Variants in KDM4C observed in about 807,000 individuals in gnomAD.
KDM4C encodes lysine demethylase 4C, also known as lysine-specific demethylase 4C.
KDM4C carries 81 observed loss-of-function variants against 129.3 expected under a neutral mutation model. The ratio of observed to expected loss-of-function variants is 0.63; its 90% CI spans 0.52 to 0.75. The LOEUF (loss-of-function observed/expected upper bound fraction) is 0.75. KDM4C is among the 30% of genes least tolerant of loss of function. The pLI, the probability that KDM4C is intolerant of heterozygous loss-of-function variation, is 0.00. For synonymous variants in KDM4C, 573 were observed against 456.1 expected (o/e 1.26, Z -3.26); for missense variants, 1,457 against 1,304.0 (o/e 1.12, Z -1.81).
At chr9:7,043,800 GTA>G (rs1828973254) in intron 15 of KDM4C, among the ~76,000 whole-genome samples, 1 of 151,808 alleles carries the variant, frequency 6.6e-6, no homozygotes, top group Non-Finnish European at 1.5e-5. Flanking sequence ...GATTTCTTAA[GTA>G]AATCATGGCA....
intron 18 of KDM4C, among the ~76,000 whole-genome samples, chr9:7,117,626 T>TACACAA (rs1311725477): frequency 6.8e-6 from 1 of 146,916 alleles, no homozygotes; most frequent in Non-Finnish European, 1.5e-5. Context: ...TGTTAATTTC[T>TACACAA]ACACACACAC....
At chr9:6,883,891 G>T (rs868465174) in intron 6 of KDM4C, among the ~76,000 whole-genome samples, 1 of 152,010 alleles carries the variant, frequency 6.6e-6, no homozygotes, top group Non-Finnish European at 1.5e-5. Flanking sequence ...GGAAGTGAGA[G>T]CTGAAATTAA....
rs1429657362 is a variant in KDM4C at position 6,925,202 on chromosome 9, C to T, written c.921+31970C>T. ...AAACATCCAGGGCTGTCACTGTTGG[C>T]GATACAGCTCATGTGAGAGCTGTGG... On this transcript the variant is annotated intron_variant, in intron 8 of 21. Coordinates refer to ENST00000381309, the MANE Select transcript of KDM4C (RefSeq NM_015061.6). 11 of 985,086 alleles carry T rather than the reference C, an allele frequency of 1.1e-5. No homozygotes were observed. In the East Asian group the frequency reaches 3.4e-4, roughly 31 times the overall value. 61.0% of individuals were successfully genotyped at this position (985,086 alleles called of 1,614,324 possible). A position where few individuals can be genotyped will look rare whatever the true frequency, so the allele number is the denominator to read the frequency against.
chr9:6,729,590 T>C (rs1817256664), intron 1 of KDM4C, among the ~76,000 whole-genome samples: 2 of 134,152 alleles, frequency 1.5e-5, no homozygotes, highest in South Asian at 5.2e-4. Flanking sequence ...TTGCTGTATG[T>C]CTTGCCTATT....
intron 5 of KDM4C, among the ~76,000 whole-genome samples, chr9:6,852,206 T>C (rs937540236): frequency 5.9e-5 from 9 of 152,346 alleles, no homozygotes; most frequent in South Asian, 2.1e-4. Context: ...AAATTCATTT[T>C]AGCAATCCTT....
At chr9:6,989,228 A>T (rs957496009) in intron 11 of KDM4C, among the ~76,000 whole-genome samples, 1 of 152,282 alleles carries the variant, frequency 6.6e-6, no homozygotes, top group South Asian at 2.1e-4. Flanking sequence ...ATTTTCTTAG[A>T]ATCATGTGTT....
At chr9:6,786,279 T>C (rs576222711) in intron 1 of KDM4C, among the ~76,000 whole-genome samples, 256 of 152,376 alleles carry the variant, frequency 1.7e-3, no homozygotes, top group African/African-American at 6.0e-3. Context: ...AGTAGATGTT[T>C]GTCCTTTATC....
intron 12 of KDM4C, among the ~76,000 whole-genome samples, chr9:6,994,493 TTTG>T (rs1342605051): frequency 6.6e-6 from 1 of 152,150 alleles, no homozygotes; most frequent in African/African-American, 2.4e-5. Flanking sequence ...TACACTGTGG[TTTG>T]TTATTTGTCT....
chr9:6,745,081 C>T (rs1365918030), intron 1 of KDM4C, among the ~76,000 whole-genome samples: 3 of 152,088 alleles, frequency 2.0e-5, no homozygotes, highest in South Asian at 2.1e-4. Context: ...GAGATGTTTG[C>T]AGCAGCAGTT....
intron 1 of KDM4C, among the ~76,000 whole-genome samples, chr9:6,773,012 G>T (rs191891119): frequency 0.095 from 14,215 of 149,780 alleles, 788 homozygotes; most frequent in Non-Finnish European, 0.11. Context: ...TTTCTTTTTT[G>T]TTTTTTTGAC....
intron 4 of KDM4C, among the ~76,000 whole-genome samples, chr9:6,825,930 C>G (rs951709805): frequency 5.3e-4 from 80 of 152,166 alleles, no homozygotes; most frequent in Non-Finnish European, 1.1e-3. Flanking sequence ...TCCACCTCAG[C>G]CTACTGAGTA....
chr9:6,911,617 C>T (rs1428260229), intron 8 of KDM4C, among the ~76,000 whole-genome samples: 2 of 152,188 alleles, frequency 1.3e-5, no homozygotes, highest in African/African-American at 4.8e-5. Context: ...AATGTTAGCA[C>T]TTGTATAAAA....
chr9:6,830,774 A>G (rs1351550710), intron 4 of KDM4C, among the ~76,000 whole-genome samples: 1 of 152,324 alleles, frequency 6.6e-6, no homozygotes, highest in East Asian at 1.9e-4. Flanking sequence ...TTCTTTATGA[A>G]GAATAAAAGG....
chr9:7,019,896 AGTGGAGG>A lies in KDM4C; in HGVS notation c.2259+3971_2259+3977del, dbSNP rs1230993662. ...CGGCTTCAGCCTGGGCAAAACAGAA[AGTGGAGG>A]GTGTACGCATGGCTGGAGTCAATAA... On this transcript the variant is annotated intron_variant, in intron 15 of 21. Transcript: ENST00000381309. 2.0e-5 allele frequency among the ~76,000 whole-genome samples: 3 copies of A among 151,754 alleles called. No individual in the cohort carries two copies. In the East Asian group the frequency reaches 5.8e-4, roughly 29 times the overall value.
chr9:6,976,434 T>A (rs1328508268), intron 8 of KDM4C, among the ~76,000 whole-genome samples: 1 of 152,222 alleles, frequency 6.6e-6, no homozygotes, highest in Non-Finnish European at 1.5e-5. Context: ...GTCCATAATA[T>A]TATATATATA....
At chr9:6,807,895 G>T (rs1830370661) in intron 3 of KDM4C, among the ~76,000 whole-genome samples, 2 of 143,574 alleles carry the variant, frequency 1.4e-5, no homozygotes, top group Admixed American at 6.8e-5. Flanking sequence ...GGGAGGTGGG[G>T]GTGTCAGCCC....
At chr9:7,028,527 T>C (rs1022002995) in intron 15 of KDM4C, among the ~76,000 whole-genome samples, 5 of 151,916 alleles carry the variant, frequency 3.3e-5, no homozygotes, top group Admixed American at 2.0e-4. Flanking sequence ...ATCTCTTTAA[T>C]TGAGCTCTGC....
intron 8 of KDM4C, among the ~76,000 whole-genome samples, chr9:6,939,957 C>A (rs913364140): frequency 9.3e-6 from 1 of 107,396 alleles, no homozygotes; most frequent in Non-Finnish European, 2.1e-5. Flanking sequence ...AATCCAATAA[C>A]CAACCTACCT....
chr9:6,885,531 T>C (rs1845118537), intron 6 of KDM4C, among the ~76,000 whole-genome samples: 2 of 152,024 alleles, frequency 1.3e-5, no homozygotes, highest in Non-Finnish European at 2.9e-5. Flanking sequence ...ATCCTAGCCT[T>C]CCATCCCTCT....
Sources: allele counts gnomAD v4.1 joint callset (sites outside exome capture counted in the v4.1 genomes callset), GRCh38; gene constraint gnomAD v4.1.1; transcripts MANE v1.5; gene names NCBI Gene and HGNC (gene_info 2026-07-23, HGNC 2026-07-21).